The following SCAPER variants were observed in gnomAD, a reference collection of about 807,000 sequenced individuals.
SCAPER encodes S-phase cyclin A associated protein in the ER.
In SCAPER, 98 loss-of-function variants were observed where a neutral mutation model predicts 182.2. The ratio of observed to expected loss-of-function variants is 0.54; its 90% CI spans 0.46 to 0.64. The LOEUF is 0.64. Among genes scored for constraint, SCAPER ranks in the 30% least tolerant of loss-of-function variants. The probability of loss-of-function intolerance (pLI) is 0.00; values close to 1 mark genes in which losing one functional copy is unlikely to be tolerated. For synonymous variants in SCAPER, 605 were observed against 564.6 expected (o/e 1.07, Z -1.01); for missense variants, 1,432 against 1,690.0 (o/e 0.85, Z 2.68).
chr15:76,790,562 T>G (rs1187248040), intron 8 of SCAPER, among the ~76,000 whole-genome samples: 3 of 152,192 alleles, frequency 2.0e-5, no homozygotes, highest in Non-Finnish European at 4.4e-5. Flanking sequence ...TCCTTTTGTT[T>G]TTCCAAATTT....
chr15:76,863,129 C>T (rs954569166), intron 2 of SCAPER, among the ~76,000 whole-genome samples: 2 of 152,154 alleles, frequency 1.3e-5, no homozygotes, highest in East Asian at 3.8e-4. Flanking sequence ...CCTAAGAACA[C>T]GGGCCTAAGA....
intron 23 of SCAPER, among the ~76,000 whole-genome samples, chr15:76,546,357 T>A (rs1458125013): frequency 6.6e-6 from 1 of 151,496 alleles, no homozygotes; most frequent in Non-Finnish European, 1.5e-5. Flanking sequence ...CATCTAAAGA[T>A]GTTTTTTCAA....
chr15:76,712,263 T>C (rs1006588302), intron 17 of SCAPER, among the ~76,000 whole-genome samples: 4 of 152,190 alleles, frequency 2.6e-5, no homozygotes, highest in Admixed American at 6.5e-5. Context: ...TGCGGCGTTA[T>C]TTATGAGGGC....
chr15:76,702,784 T>C, intron 19 of SCAPER, 66 bp downstream of exon 19: 2 of 1,537,322 alleles, frequency 1.3e-6, no homozygotes, highest in Non-Finnish European at 1.7e-6. Context: ...TGCAAGAATA[T>C]ATTTCCATGG....
At chr15:76,429,574 C>T (rs921694668) in intron 26 of SCAPER, among the ~76,000 whole-genome samples, 11 of 152,100 alleles carry the variant, frequency 7.2e-5, no homozygotes, top group East Asian at 1.9e-4. Flanking sequence ...AAGAGACTGG[C>T]GGCATTTTTC....
chr15:76,428,524 C>A (rs1273452650), intron 26 of SCAPER, among the ~76,000 whole-genome samples: 1 of 151,936 alleles, frequency 6.6e-6, no homozygotes, highest in Non-Finnish European at 1.5e-5. Flanking sequence ...ATAAACCAGG[C>A]ACAGAAGGAC....
chr15:76,630,669 ATTAT>A (rs2053029893), intron 21 of SCAPER, among the ~76,000 whole-genome samples: 1 of 151,674 alleles, frequency 6.6e-6, no homozygotes, highest in Non-Finnish European at 1.5e-5. Flanking sequence ...AGAGACCGTT[ATTAT>A]TTCAGTTCTT....
intron 25 of SCAPER, among the ~76,000 whole-genome samples, chr15:76,435,093 C>T (rs2047111338): frequency 6.6e-6 from 1 of 152,178 alleles, no homozygotes; most frequent in African/African-American, 2.4e-5. Context: ...TAAATGATCA[C>T]TTGGATCCAA....
intron 20 of SCAPER, among the ~76,000 whole-genome samples, chr15:76,672,558 G>T (rs1053341675): frequency 7.9e-5 from 12 of 151,910 alleles, no homozygotes; most frequent in Admixed American, 7.9e-4. Flanking sequence ...TGCAATGAAA[G>T]AAATCATTTA....
At chr15:76,902,596 A>G (rs2074847263) in intron 1 of SCAPER, among the ~76,000 whole-genome samples, 1 of 152,362 alleles carries the variant, frequency 6.6e-6, no homozygotes, top group Admixed American at 6.5e-5. Context: ...CTACAATTTC[A>G]GAAATGCCAA....
At chr15:76,371,307 TTC>T (rs768693574) in intron 29 of SCAPER, among the ~76,000 whole-genome samples, 5 of 151,470 alleles carry the variant, frequency 3.3e-5, no homozygotes, top group South Asian at 2.1e-4. Flanking sequence ...CTTATAATAT[TTC>T]TCTCTCTCTC....
At chr15:76,795,483 GA>G in intron 7 of SCAPER, 43 bp from the exon 8 acceptor site, 4 of 1,364,960 alleles carry the variant, frequency 2.9e-6, no homozygotes, top group Non-Finnish European at 3.8e-6. Flanking sequence ...AAATATAAAA[GA>G]AAAACTTCTG....
At chr15:76,865,416 G>T (rs2072202388) in intron 2 of SCAPER, among the ~76,000 whole-genome samples, 1 of 152,118 alleles carries the variant, frequency 6.6e-6, no homozygotes, top group Non-Finnish European at 1.5e-5. Flanking sequence ...CTATTTAGTG[G>T]TATAGTAGGG....
At chr15:76,651,349 A>T (rs1410458129) in intron 21 of SCAPER, among the ~76,000 whole-genome samples, 1 of 152,248 alleles carries the variant, frequency 6.6e-6, no homozygotes, top group South Asian at 2.1e-4. Flanking sequence ...AAATAATGCA[A>T]TTTTCTTCAA....
chr15:76,468,675 C>A (rs2049884022), intron 25 of SCAPER, among the ~76,000 whole-genome samples: 1 of 152,114 alleles, frequency 6.6e-6, no homozygotes, highest in Non-Finnish European at 1.5e-5. Context: ...TTTCTCTGTG[C>A]TCCCATAGTA....
chr15:76,430,516 C>T (rs949545841), intron 26 of SCAPER, among the ~76,000 whole-genome samples: 2 of 152,230 alleles, frequency 1.3e-5, no homozygotes, highest in African/African-American at 4.8e-5. Context: ...GGATGTGAGA[C>T]ATGGAGTCAA....
rs1372765612 is a variant in SCAPER, at chr15:76,566,918, T to A, written c.2838+7240A>T. Reference sequence around the variant, plus strand: ...TAAATAATAATTTTAATTTGAACACTGTGTAACCAGTATCCAGTCAAGAAA... The same window carrying A: ...TAAATAATAATTTTAATTTGAACACAGTGTAACCAGTATCCAGTCAAGAAA... On this transcript the variant is annotated intron_variant, in intron 23 of 31. Coordinates refer to ENST00000563290, the MANE Select transcript of SCAPER (RefSeq NM_020843.4). Among the ~76,000 whole-genome samples, 3 of 152,116 alleles carry A rather than the reference T, an allele frequency of 2.0e-5. No homozygotes were observed. In the South Asian group the frequency reaches 6.2e-4, roughly 31 times the overall value.
intron 26 of SCAPER, among the ~76,000 whole-genome samples, chr15:76,428,159 C>G (rs1214564831): frequency 7.9e-5 from 12 of 152,126 alleles, no homozygotes; most frequent in Non-Finnish European, 4.4e-5. Flanking sequence ...AAAGGAAACA[C>G]TTGAACACTG....
chr15:76,705,818 A>C, intron 18 of SCAPER, 85 bp downstream of exon 18: 1 of 859,890 alleles, frequency 1.2e-6, no homozygotes, highest in South Asian at 1.7e-5. Flanking sequence ...ATACAAATTA[A>C]TTCAATTTTT....
Sources: allele counts gnomAD v4.1 joint callset (sites outside exome capture counted in the v4.1 genomes callset), GRCh38; gene constraint gnomAD v4.1.1; transcripts MANE v1.5; gene names NCBI Gene and HGNC (gene_info 2026-07-23, HGNC 2026-07-21).